Variants in ROBO2 observed in about 807,000 individuals in gnomAD.
The protein encoded by ROBO2 is roundabout homolog 2.
ROBO2 carries 53 observed loss-of-function variants against 160.8 expected under a neutral mutation model. That is an observed-to-expected ratio of 0.33 (90% CI 0.26 to 0.41). The LOEUF (loss-of-function observed/expected upper bound fraction) is 0.41, where lower values mean the gene tolerates loss of function less well. ROBO2 is among the 10% of genes least tolerant of loss of function. ROBO2 has a pLI of 1.00. For missense variants in ROBO2, 1,577 were observed against 1,722.4 expected (o/e 0.92, Z 1.49); for synonymous variants, 664 against 611.7 (o/e 1.09, Z -1.26).
chr3:76,218,682 G>A (rs1024428348), intron 2 of ROBO2, among the ~76,000 whole-genome samples: 2 of 152,218 alleles, frequency 1.3e-5, no homozygotes, highest in South Asian at 2.1e-4. Context: ...ACAAATGGAA[G>A]AACATTCCAT....
chr3:76,996,510 G>C (rs1044214206), intron 2 of ROBO2, among the ~76,000 whole-genome samples: 7 of 152,144 alleles, frequency 4.6e-5, no homozygotes, highest in African/African-American at 1.7e-4. Context: ...TAGCTTGATG[G>C]GGATGGCATT....
intron 2 of ROBO2, among the ~76,000 whole-genome samples, chr3:76,714,057 C>A (rs140765457): frequency 1.3e-5 from 2 of 151,852 alleles, no homozygotes; most frequent in Non-Finnish European, 2.9e-5. Context: ...AATAGGGCGG[C>A]CTGCTTAAAG....
At position 77,372,620 on chromosome 3, in the gene ROBO2, AT is replaced by A. The variant is rs374065337; in HGVS notation, c.389-104789del. ...CCAACTTTGTAAGAAAGAGTATACT[AT>A]TTTTGCATAAAATGTAAATTAAAGT... On this transcript the variant is annotated intron_variant, in intron 2 of 25. Transcript: ENST00000461745. 2.0e-3 allele frequency among the ~76,000 whole-genome samples: 298 copies of A among 152,204 alleles called. 2 individuals carry two copies. The highest frequency in any genetic ancestry group is 6.8e-3 in the African/African-American group (283 of 41,560).
chr3:77,534,769 A>G (rs1204041959), intron 6 of ROBO2, among the ~76,000 whole-genome samples: 1 of 152,174 alleles, frequency 6.6e-6, no homozygotes, highest in Non-Finnish European at 1.5e-5. Flanking sequence ...TACTGAGGTT[A>G]TTATTTTCAT....
At chr3:77,228,414 A>AACACAC (rs55991541) in intron 2 of ROBO2, among the ~76,000 whole-genome samples, 198 of 148,984 alleles carry the variant, frequency 1.3e-3, no homozygotes, top group African/African-American at 4.4e-3. Flanking sequence ...TACATGCACA[A>AACACAC]ACACACACAC....
intron 2 of ROBO2, among the ~76,000 whole-genome samples, chr3:76,524,048 A>C (rs1246918541): frequency 6.6e-6 from 1 of 151,758 alleles, no homozygotes; most frequent in East Asian, 1.9e-4. Context: ...GAAAAATCTG[A>C]AGAAAATAAA....
chr3:76,141,060 C>CATACATATATATATATATATATATATAT (rs1553656032), intron 2 of ROBO2, among the ~76,000 whole-genome samples: 16 of 53,586 alleles, frequency 3.0e-4, no homozygotes, highest in Admixed American at 1.6e-3. Context: ...TTTTTACATA[C>CATACATATATATATATATATATATATAT]ATATATATAT....
intron 6 of ROBO2, among the ~76,000 whole-genome samples, chr3:77,541,521 A>G (rs531467403): frequency 6.6e-6 from 1 of 152,342 alleles, no homozygotes; most frequent in South Asian, 2.1e-4. Flanking sequence ...CACAGTTTCA[A>G]GTGAACTGTC....
chr3:77,466,598 T>C (rs964358258), intron 2 of ROBO2, among the ~76,000 whole-genome samples: 7 of 152,148 alleles, frequency 4.6e-5, no homozygotes, highest in Non-Finnish European at 1.0e-4. Flanking sequence ...CCCATAGATA[T>C]AATTATATTT....
At chr3:77,013,291 T>C (rs2062027293) in intron 2 of ROBO2, among the ~76,000 whole-genome samples, 1 of 152,074 alleles carries the variant, frequency 6.6e-6, no homozygotes, top group Non-Finnish European at 1.5e-5. Context: ...TTCTGAGAGA[T>C]TGGCTGTTTA....
intron 2 of ROBO2, among the ~76,000 whole-genome samples, chr3:76,969,355 T>C: frequency 6.6e-6 from 1 of 152,178 alleles, no homozygotes; most frequent in Non-Finnish European, 1.5e-5. Flanking sequence ...GAAATTGAAC[T>C]GGACTGCAAG....
At chr3:76,735,978 CTT>C (rs1297415215) in intron 2 of ROBO2, among the ~76,000 whole-genome samples, 3 of 151,716 alleles carry the variant, frequency 2.0e-5, no homozygotes, top group Admixed American at 2.0e-4. Flanking sequence ...AGTCAAAACT[CTT>C]TTTTAAAATA....
chr3:76,960,030 A>G (rs868128945), intron 2 of ROBO2, among the ~76,000 whole-genome samples: 1 of 152,010 alleles, frequency 6.6e-6, no homozygotes, highest in African/African-American at 2.4e-5. Flanking sequence ...TTTGGTTTCA[A>G]AAACTGTCAG....
Position 77,014,060 on chromosome 3 carries a change from C to T in ROBO2, c.110-83954C>T, listed in dbSNP as rs772887318. On this transcript the variant is annotated intron_variant, in intron 2 of 26. Coordinates refer to the ROBO2 transcript ENST00000487694. The stretch of plus-strand genomic sequence containing the variant: ...TTGTCCCTGTCTCTTATTCTACATT[C>T]GCCACACTAATTTAATTTCCTTTTA... 1.4e-4 allele frequency among the ~76,000 whole-genome samples: 21 copies of T among 151,362 alleles called. 1 individual carries two copies. The highest frequency in any genetic ancestry group is 2.1e-4 in the Non-Finnish European group (14 of 67,958).
intron 2 of ROBO2, among the ~76,000 whole-genome samples, chr3:76,382,166 C>G (rs2076660649): frequency 6.6e-6 from 1 of 152,118 alleles, no homozygotes; most frequent in Non-Finnish European, 1.5e-5. Context: ...CGAGGTTTTG[C>G]CACGTTGCTC....
chr3:76,058,088 GC>G (rs1170350558), intron 2 of ROBO2, among the ~76,000 whole-genome samples: 1 of 96,504 alleles, frequency 1.0e-5, no homozygotes. Context: ...ATTATAAAGA[GC>G]TTTTTGTTTT....
rs754036480 is a variant in ROBO2, at chr3:76,640,584, TGTTTGCGTGTGA to T, written c.110-457427_110-457416del. 2.0e-4 allele frequency among the ~76,000 whole-genome samples: 21 copies of T among 107,076 alleles called. No individual in the cohort carries two copies. The East Asian group carries it at 2.1e-3, about 10-fold the overall frequency. 70.2% of individuals were successfully genotyped at this position (107,076 alleles called of 152,430 possible). ...AAATAAATAAATAAATATCAATGCGTGTTTGCGTGTGAGTGTGTGTGTGTGTGTGTGTGTGTG... is the reference window on the plus strand; with the variant it reads ...AAATAAATAAATAAATATCAATGCGTGTGTGTGTGTGTGTGTGTGTGTGTG... On this transcript the variant is annotated intron_variant, in intron 2 of 26. Coordinates refer to the ROBO2 transcript ENST00000487694.
chr3:77,132,546 G>A, intron 2 of ROBO2, among the ~76,000 whole-genome samples: 1 of 152,026 alleles, frequency 6.6e-6, no homozygotes, highest in Non-Finnish European at 1.5e-5. Flanking sequence ...AGTCATTCTT[G>A]ATTACCGTTT....
intron 2 of ROBO2, among the ~76,000 whole-genome samples, chr3:76,294,610 G>A (rs1165156431): frequency 2.0e-5 from 3 of 152,192 alleles, no homozygotes; most frequent in Admixed American, 1.3e-4. Context: ...ACTCTGAAAT[G>A]TGACGGTAGA....
Sources: gnomAD v4.1 joint callset for allele counts (sites outside exome capture counted in the v4.1 genomes callset) on GRCh38, gnomAD v4.1.1 for gene constraint, MANE v1.5 for transcripts, NCBI Gene and HGNC (gene_info 2026-07-23, HGNC 2026-07-21) for gene names.